The following CELSR1 variants were observed in gnomAD, a reference collection of about 807,000 sequenced individuals.
CELSR1 encodes the protein adhesion G protein-coupled receptor C1.
Under a neutral mutation model 249.1 loss-of-function variants are expected in CELSR1, and 110 were observed. The observed-to-expected ratio is 0.44, with a 90% CI of 0.38 to 0.52. The LOEUF is 0.52. Among genes scored for constraint, CELSR1 ranks in the 20% least tolerant of loss-of-function variants. CELSR1 has a pLI of 0.00. For missense variants in CELSR1, 4,109 were observed against 4,296.4 expected, an observed-to-expected ratio of 0.96 and a Z score of 1.22; for synonymous variants, 2,113 against 1,900.0, an observed-to-expected ratio of 1.11 and a Z score of -2.92.
At position 46,448,514 on chromosome 22, in the gene CELSR1, C is replaced by T. The variant is rs527955587; in HGVS notation, c.4184-9103G>A. ...AGGGGAAGGGCGTGTAAAGATTGAC[C>T]ACTTAAGTTCTTAAATAAATAAAAA... On this transcript the variant is annotated intron_variant, in intron 2 of 34. Transcript: ENST00000674500. This position sits in a 1 kb window ranked among gnomAD's most constrained non-coding sequence, Gnocchi z 5.7. 12 of 428,942 alleles carry T rather than the reference C, an allele frequency of 2.8e-5. No individual in the cohort carries two copies. The Admixed American group carries it at 3.2e-4, about 12-fold the overall frequency. The allele number at this position is 428,942 out of a possible 1,614,324, so 26.6% of individuals were successfully genotyped here.
chr22:46,375,914 T>C (rs993905087), intron 24 of CELSR1, among the ~76,000 whole-genome samples: 1 of 152,244 alleles, frequency 6.6e-6, no homozygotes, highest in Non-Finnish European at 1.5e-5. Context: ...TGTTACCTAA[T>C]AATGACAGCT....
At position 46,464,455 on chromosome 22, in the gene CELSR1, C is replaced by G; in HGVS notation, c.3545-110G>C. 8.6e-7 allele frequency: 1 copy of G among 1,157,914 alleles called. No homozygotes were observed. Among genetic ancestry groups the G allele is most frequent in the Non-Finnish European group, 1.2e-6 (1 of 828,642 alleles). 71.7% of individuals were successfully genotyped at this position (1,157,914 alleles called of 1,614,324 possible). On this transcript the variant is annotated intron_variant, in intron 1 of 34. Transcript: ENST00000674500. The surrounding 1 kb of genome is among the most constrained non-coding windows in gnomAD (Gnocchi z 8.5). ...CATGCTTGGCAAAGGAGAAGAGAGC[C>G]TGGGCATCCCCACTCCCCATTCCCC...
At position 46,437,559 on chromosome 22, in the gene CELSR1, T is replaced by C. The variant is rs1416622138; in HGVS notation, c.4407-1270A>G. Among the ~76,000 whole-genome samples the C allele has an allele frequency of 2.6e-5, 4 of 152,156 alleles. No homozygotes were observed. In the East Asian group the frequency reaches 7.7e-4, roughly 29 times the overall value. The stretch of plus-strand genomic sequence containing the variant: ...TCACCTGAGGTCAGGTTGACCAGCC[T>C]GGCCAACATGGTGAAACCCCGTCTC... On this transcript the variant is annotated intron_variant, in intron 3 of 34. Transcript: ENST00000674500. The surrounding 1 kb of genome is among the most constrained non-coding windows in gnomAD (Gnocchi z 4.9).
chr22:46,430,527 C>T lies in CELSR1; in HGVS notation c.4611+2866G>A, dbSNP rs965833486. ...CCTCTCAACTGGTCATGGCCCTGGA[C>T]ACCCCTCATCGTCCAGCCCCAACGC... On this transcript the variant is annotated intron_variant, in intron 5 of 34. Transcript: ENST00000674500. This position sits in a 1 kb window ranked among gnomAD's most constrained non-coding sequence, Gnocchi z 4.6. 2.0e-5 allele frequency among the ~76,000 whole-genome samples: 3 copies of T among 152,118 alleles called. No individual in the cohort carries two copies. Among genetic ancestry groups the T allele is most frequent in the Non-Finnish European group, 4.4e-5 (3 of 68,012 alleles).
Position 46,367,109 on chromosome 22 carries a change from C to T in CELSR1, c.8089G>A (p.Val2697Ile), listed in dbSNP as rs200319625. The T allele has an allele frequency of 6.3e-5, 102 of 1,610,876 alleles. No homozygotes were observed. Among genetic ancestry groups the T allele is most frequent in the Admixed American group, 2.2e-4 (13 of 59,906 alleles). Residue 2697 changes from valine (V) to isoleucine (I), a missense_variant, in exon 29 of 35, where the codon GTC becomes ATC. Val to Ile is a conservative substitution (Grantham distance 29, BLOSUM62 3). This residue lies in a region of CELSR1 where 1,805 missense variants were observed against 1,831.6 expected (regional missense o/e 0.99). Coordinates refer to ENST00000674500, the MANE Select transcript of CELSR1 (RefSeq NM_001378328.1). Reference protein sequence around the residue: ...AIFSGLQGPFVLLFHCVLNQE... With the variant: ...AIFSGLQGPFILLFHCVLNQE... Reference sequence around the variant, plus strand: ...TTGAGCACGCAGTGGAAAAGGAGGACGAAGGGGCCCTGGAGGGAGGAAGGT... The same window carrying T: ...TTGAGCACGCAGTGGAAAAGGAGGATGAAGGGGCCCTGGAGGGAGGAAGGT...
At position 46,380,605 on chromosome 22, in the gene CELSR1, G is replaced by A. The variant is rs1267957325; in HGVS notation, c.7256+183C>T. 6.6e-6 allele frequency among the ~76,000 whole-genome samples: 1 copy of A among 152,178 alleles called. No homozygotes were observed. Among genetic ancestry groups the A allele is most frequent in the Non-Finnish European group, 1.5e-5 (1 of 68,022 alleles). ...TGCATCTGTGTGTGGACATCTAGGG[G>A]AGGACTCTGATATTCCCACAGAAGC... On this transcript the variant is annotated intron_variant, in intron 22 of 34. Coordinates refer to ENST00000674500, the MANE Select transcript of CELSR1 (RefSeq NM_001378328.1). This position sits in a 1 kb window ranked among gnomAD's most constrained non-coding sequence, Gnocchi z 5.1.
In CELSR1 at chr22:46,405,297, A is replaced by G. The variant is rs534137883; in HGVS notation, c.5226+3699T>C. On this transcript the variant is annotated intron_variant, in intron 9 of 34. Coordinates refer to ENST00000674500, the MANE Select transcript of CELSR1 (RefSeq NM_001378328.1). ...AACCCGGTGAAACCCTGTCTCTACT[A>G]AAAATACAAAAAATTAGCCAGGCGT... Among the ~76,000 whole-genome samples the G allele has an allele frequency of 2.1e-4, 32 of 151,368 alleles. No individual in the cohort carries two copies. The South Asian group carries it at 4.8e-3, about 23-fold the overall frequency.
rs188707446 is a variant in CELSR1, at chr22:46,466,859, G to A, written c.3545-2514C>T. ...TAATGTGGGTCAATGATGAGGTGAC[G>A]AGGGTGGGGCCCCACCAGGGGATTT... On this transcript the variant is annotated intron_variant, in intron 1 of 34. Transcript: ENST00000674500. 2.6e-5 allele frequency among the ~76,000 whole-genome samples: 4 copies of A among 152,270 alleles called. No individual in the cohort carries two copies. The East Asian group carries it at 5.8e-4, about 22-fold the overall frequency.
At chr22:46,510,854 G>C (rs2080566006) in intron 1 of CELSR1, among the ~76,000 whole-genome samples, 1 of 152,110 alleles carries the variant, frequency 6.6e-6, no homozygotes, top group Non-Finnish European at 1.5e-5. Flanking sequence ...GCTCATGCCT[G>C]TAATCCCACC....
rs1312012267 is a variant in CELSR1, at chr22:46,445,226, G to A, written c.4184-5815C>T. On this transcript the variant is annotated intron_variant, in intron 2 of 34. Transcript: ENST00000674500. The surrounding 1 kb of genome is among the most constrained non-coding windows in gnomAD (Gnocchi z 4.4). Reference sequence around the variant, plus strand: ...ATAAAAAATAAGGCTGGGTGTAGTGGCTCAGGCCTGTCATCCCAGCACTTT... The same window carrying A: ...ATAAAAAATAAGGCTGGGTGTAGTGACTCAGGCCTGTCATCCCAGCACTTT... Among the ~76,000 whole-genome samples the A allele has an allele frequency of 6.6e-6, 1 of 152,084 alleles. No homozygotes were observed. Among genetic ancestry groups the A allele is most frequent in the East Asian group, 1.9e-4 (1 of 5,184 alleles).
At position 46,408,730 on chromosome 22, in the gene CELSR1, C is replaced by T. The variant is rs2079295289; in HGVS notation, c.5226+266G>A. Among the ~76,000 whole-genome samples the T allele has an allele frequency of 6.6e-6, 1 of 152,232 alleles. No homozygotes were observed. Among genetic ancestry groups the T allele is most frequent in the Admixed American group, 6.5e-5 (1 of 15,276 alleles). On this transcript the variant is annotated intron_variant, in intron 9 of 34. Transcript: ENST00000674500. The surrounding 1 kb of genome is among the most constrained non-coding windows in gnomAD (Gnocchi z 4.6). ...TGCAATGCCCACGCTCCAGCCAAAC[C>T]CTCAGGCTAGAGGGAGACCAGAACT...
At chr22:46,424,365 C>T (rs997324924) in intron 5 of CELSR1, among the ~76,000 whole-genome samples, 1 of 152,268 alleles carries the variant, frequency 6.6e-6, no homozygotes, top group African/African-American at 2.4e-5. Flanking sequence ...AGGCGTGAGC[C>T]ACCACACCTG....
intron 1 of CELSR1, among the ~76,000 whole-genome samples, chr22:46,496,270 C>T (rs1169547771): frequency 6.7e-6 from 1 of 150,270 alleles, no homozygotes; most frequent in African/African-American, 2.5e-5. Context: ...TACAGCTGTT[C>T]AAAAATATTT....
chr22:46,486,290 T>C (rs2080312459), intron 1 of CELSR1, among the ~76,000 whole-genome samples: 2 of 151,256 alleles, frequency 1.3e-5, no homozygotes, highest in African/African-American at 4.8e-5. Context: ...GGCTCACGCC[T>C]GTAATCCCAG....
chr22:46,537,102 C>T lies in CELSR1; in HGVS notation c.69G>A (p.Ala23=). Residue 23 remains alanine (A), a synonymous_variant, in exon 1 of 35, where the codon GCG becomes GCA. Coordinates refer to ENST00000674500, the MANE Select transcript of CELSR1 (RefSeq NM_001378328.1). This position sits in a 1 kb window ranked among gnomAD's most constrained non-coding sequence, Gnocchi z 5.8. ...CCCAGGCGGCCGCTCGCAGCCCCAT[C>T]GCCGGCAGGGCGGCGGCGGCGGCCA... The part of the protein sequence containing the change: ...LLLAAAAALP[A]MGLRAAAWEP... 1.9e-6 allele frequency: 2 copies of T among 1,040,768 alleles called. No homozygotes were observed. The highest frequency in any genetic ancestry group is 2.3e-6 in the Non-Finnish European group (2 of 869,016). 64.5% of individuals were successfully genotyped at this position (1,040,768 alleles called of 1,614,324 possible). A position where few individuals can be genotyped will look rare whatever the true frequency, so the allele number is the denominator to read the frequency against.
rs760996549 is a variant in CELSR1 at position 46,380,760 on chromosome 22, C to G, written c.7256+28G>C. 1 of 1,605,108 alleles carries G rather than the reference C, an allele frequency of 6.2e-7. No homozygotes were observed. Among genetic ancestry groups the G allele is most frequent in the South Asian group, 1.1e-5 (1 of 90,882 alleles). On this transcript the variant is annotated intron_variant, in intron 22 of 34. Transcript: ENST00000674500. This position sits in a 1 kb window ranked among gnomAD's most constrained non-coding sequence, Gnocchi z 5.1. Reference sequence around the variant, plus strand: ...GGGCACTCTGCCTTGGCAAAGCCCTCACATGGGGCTCCTGGCGTCACACTT... The same window carrying G: ...GGGCACTCTGCCTTGGCAAAGCCCTGACATGGGGCTCCTGGCGTCACACTT...
intron 5 of CELSR1, among the ~76,000 whole-genome samples, chr22:46,416,123 T>G (rs553517372): frequency 7.1e-6 from 1 of 140,056 alleles, no homozygotes; most frequent in African/African-American, 2.8e-5. Flanking sequence ...GGATAAGGAA[T>G]GAGACAGACG....
intron 1 of CELSR1, among the ~76,000 whole-genome samples, chr22:46,520,722 A>G (rs1012252687): frequency 1.3e-5 from 2 of 152,136 alleles, no homozygotes; most frequent in Admixed American, 6.5e-5. Flanking sequence ...TCGGCCTCCC[A>G]AAGTGCTAGG....
Position 46,464,224 on chromosome 22 carries a change from C to T in CELSR1, c.3666G>A (p.Pro1222=), listed in dbSNP as rs778133015. 8.1e-6 allele frequency: 13 copies of T among 1,613,648 alleles called. No homozygotes were observed. The African/African-American group carries it at 9.3e-5, about 12-fold the overall frequency. The change falls in exon 2 of 35, where the codon CCG becomes CCA. Residue 1222 remains proline (P), a synonymous_variant. Coordinates refer to ENST00000674500, the MANE Select transcript of CELSR1 (RefSeq NM_001378328.1). This position sits in a 1 kb window ranked among gnomAD's most constrained non-coding sequence, Gnocchi z 8.5. ...CCCCCTCCACGAAGAGGGCCAGCAGCGGGGACAGGAACTTCTCCTGGGACA... is the reference window on the plus strand; with the variant it reads ...CCCCCTCCACGAAGAGGGCCAGCAGTGGGGACAGGAACTTCTCCTGGGACA... ...ENMSQEKFLS[P]LLALFVEGVA... is the part of the protein sequence containing the mutation.
Sources: gnomAD v4.1 joint callset for allele counts (sites outside exome capture counted in the v4.1 genomes callset) on GRCh38, gnomAD v4.1.1 for gene constraint, gnomAD v4.1.1 regional missense constraint, Gnocchi (gnomAD v3.1) non-coding constraint, MANE v1.5 for transcripts, NCBI Gene and HGNC (gene_info 2026-07-23, HGNC 2026-07-21) for gene names.